The following RORA variants were observed in gnomAD, a reference collection of about 807,000 sequenced individuals.
The protein encoded by RORA is RAR related orphan receptor A.
RORA carries 7 observed loss-of-function variants against 69.5 expected under a neutral mutation model. The ratio of observed to expected loss-of-function variants is 0.10; its 90% confidence interval spans 0.06 to 0.19. RORA has a LOEUF of 0.19. Ranked by LOEUF, RORA falls within the 10% of genes least tolerant of loss-of-function variation. The probability of loss-of-function intolerance (pLI) is 1.00; values close to 1 mark genes in which losing one functional copy is unlikely to be tolerated. For synonymous variants in RORA, 261 were observed against 240.8 expected (o/e 1.08, Z -0.78); for missense variants, 457 against 663.0 (o/e 0.69, Z 3.41).
chr15:61,075,821 C>T (rs902732894), intron 1 of RORA, among the ~76,000 whole-genome samples: 2 of 152,204 alleles, frequency 1.3e-5, no homozygotes, highest in African/African-American at 4.8e-5. Context: ...TCAACACACA[C>T]ACGCAGTGGA....
At chr15:60,558,700 T>A (rs1308871088) in intron 2 of RORA, among the ~76,000 whole-genome samples, 2 of 152,234 alleles carry the variant, frequency 1.3e-5, no homozygotes, top group Non-Finnish European at 1.5e-5. Flanking sequence ...TTTATATAAC[T>A]GGTTATGTGA....
intron 1 of RORA, among the ~76,000 whole-genome samples, chr15:60,887,205 C>T (rs531999743): frequency 6.6e-6 from 1 of 152,172 alleles, no homozygotes. Flanking sequence ...GGTTTCAAGT[C>T]CCTTTCTGAC....
At chr15:60,599,770 T>C (rs1174690544) in intron 2 of RORA, among the ~76,000 whole-genome samples, 1 of 152,170 alleles carries the variant, frequency 6.6e-6, no homozygotes, top group African/African-American at 2.4e-5. Flanking sequence ...AGAATGATTT[T>C]TGAAAAAATA....
intron 1 of RORA, among the ~76,000 whole-genome samples, chr15:60,911,694 G>A (rs960371804): frequency 1.7e-5 from 2 of 115,132 alleles, no homozygotes; most frequent in Non-Finnish European, 3.5e-5. Context: ...GTCAGGTAAC[G>A]GATTTTTGAT....
rs1325346954 is a variant in RORA at position 60,531,719 on chromosome 15, T to C, written c.282+47A>G. 9.7e-7 allele frequency: 1 copy of C among 1,034,822 alleles called. No homozygotes were observed. The highest frequency in any genetic ancestry group is 1.5e-6 in the Non-Finnish European group (1 of 687,908). The allele number at this position is 1,034,822 out of a possible 1,614,324, so 64.1% of individuals were successfully genotyped here. On this transcript the variant is annotated intron_variant, in intron 3 of 10. Coordinates refer to ENST00000335670, the MANE Select transcript of RORA (RefSeq NM_134261.3). The surrounding 1 kb of genome is among the most constrained non-coding windows in gnomAD (Gnocchi z 4.8). ...TGGAGACATACAAATCACAAAGATA[T>C]ATTCTAACAAACATTAATAGAAACA...
At chr15:60,851,090 C>T (rs1210493789) in intron 1 of RORA, among the ~76,000 whole-genome samples, 1 of 152,166 alleles carries the variant, frequency 6.6e-6, no homozygotes, top group Non-Finnish European at 1.5e-5. Flanking sequence ...TTGTTAAGCG[C>T]TTTGCGAGGT....
intron 1 of RORA, among the ~76,000 whole-genome samples, chr15:60,795,601 C>T (rs1290521721): frequency 6.6e-6 from 1 of 152,188 alleles, no homozygotes; most frequent in Non-Finnish European, 1.5e-5. Flanking sequence ...CTCAAACAGC[C>T]ACTGATCTCC....
At chr15:61,104,101 T>G (rs2078918611) in intron 1 of RORA, among the ~76,000 whole-genome samples, 1 of 152,194 alleles carries the variant, frequency 6.6e-6, no homozygotes, top group East Asian at 1.9e-4. Flanking sequence ...CATGTTCTCA[T>G]CTCCCCTTCC....
At chr15:61,219,436 G>A (rs772968673) in intron 1 of RORA, among the ~76,000 whole-genome samples, 17 of 152,164 alleles carry the variant, frequency 1.1e-4, no homozygotes, top group Admixed American at 4.6e-4. Context: ...TCATCTGGGC[G>A]CGGTGGCTGG....
intron 1 of RORA, among the ~76,000 whole-genome samples, chr15:61,225,101 A>T (rs1462625947): frequency 1.3e-5 from 2 of 152,178 alleles, no homozygotes; most frequent in Non-Finnish European, 2.9e-5. Flanking sequence ...GCAACAGAAA[A>T]GGTTATCATA....
intron 1 of RORA, among the ~76,000 whole-genome samples, chr15:60,780,655 T>C (rs1259591401): frequency 6.6e-6 from 1 of 152,118 alleles, no homozygotes; most frequent in Non-Finnish European, 1.5e-5. Flanking sequence ...GACCGTAAAA[T>C]AACTGAAAAT....
chr15:60,958,611 T>C (rs2140340684), intron 1 of RORA, among the ~76,000 whole-genome samples: 1 of 152,320 alleles, frequency 6.6e-6, no homozygotes, highest in East Asian at 1.9e-4. Flanking sequence ...AGAAATTAAG[T>C]ATCTTATTCA....
chr15:60,929,939 T>A (rs1892329728), intron 1 of RORA, among the ~76,000 whole-genome samples: 1 of 152,100 alleles, frequency 6.6e-6, no homozygotes, highest in Admixed American at 6.5e-5. Context: ...ACATTTTGGA[T>A]CAACACGTGC....
At chr15:60,589,201 C>A (rs1277190480) in intron 2 of RORA, among the ~76,000 whole-genome samples, 1 of 152,234 alleles carries the variant, frequency 6.6e-6, no homozygotes, top group East Asian at 1.9e-4. Context: ...ATTCTAATTT[C>A]ATTTCGTAGA....
chr15:60,743,536 G>C (rs79726874), intron 1 of RORA, among the ~76,000 whole-genome samples: 11 of 152,192 alleles, frequency 7.2e-5, no homozygotes, highest in Non-Finnish European at 1.5e-4. Flanking sequence ...TGGAAGATGA[G>C]TGAGCTTCAA....
In RORA at chr15:60,861,199, C is replaced by A. The variant is rs189581174; in HGVS notation, c.167-182513G>T. On this transcript the variant is annotated intron_variant, in intron 1 of 10. Coordinates refer to ENST00000335670, the MANE Select transcript of RORA (RefSeq NM_134261.3). ...AGGAAATCACACATGTAGGTCCCAA[C>A]TGATAAAGCATTATCCATCCATTAA... Among the ~76,000 whole-genome samples, 7 of 152,286 alleles carry A rather than the reference C, an allele frequency of 4.6e-5. No individual in the cohort carries two copies. The East Asian group carries it at 1.3e-3, about 29-fold the overall frequency.
intron 2 of RORA, among the ~76,000 whole-genome samples, chr15:60,646,223 A>G (rs1298473836): frequency 6.6e-6 from 1 of 152,190 alleles, no homozygotes; most frequent in East Asian, 1.9e-4. Flanking sequence ...TAATTTATCA[A>G]ACCTCTACCA....
At chr15:61,149,026 C>T (rs374320393) in intron 1 of RORA, among the ~76,000 whole-genome samples, 2 of 152,144 alleles carry the variant, frequency 1.3e-5, no homozygotes, top group African/African-American at 4.8e-5. Context: ...CTTGATGATG[C>T]CTTCTACAAA....
chr15:61,162,173 T>C (rs568502888), intron 1 of RORA, among the ~76,000 whole-genome samples: 7 of 152,322 alleles, frequency 4.6e-5, no homozygotes, highest in African/African-American at 1.7e-4. Flanking sequence ...ATAGCTGTTA[T>C]GATCTGTAAC....
Sources: allele counts gnomAD v4.1 joint callset (sites outside exome capture counted in the v4.1 genomes callset), GRCh38; gene constraint gnomAD v4.1.1; non-coding constraint Gnocchi (gnomAD v3.1); transcripts MANE v1.5; gene names NCBI Gene and HGNC (gene_info 2026-07-23, HGNC 2026-07-21).